Variants in DTNB observed in about 807,000 individuals in gnomAD.
The protein encoded by DTNB is DTN-B.
DTNB carries 63 observed loss-of-function variants against 90.7 expected under a neutral mutation model. That is an observed-to-expected ratio of 0.69 (90% CI 0.57 to 0.86). The LOEUF (loss-of-function observed/expected upper bound fraction) is 0.86, where lower values mean the gene tolerates loss of function less well. Ranked by LOEUF, DTNB falls within the 40% of genes least tolerant of loss-of-function variation. The pLI, the probability that DTNB is intolerant of heterozygous loss-of-function variation, is 0.00. For synonymous variants in DTNB, 277 were observed against 286.7 expected (o/e 0.97, Z 0.34); for missense variants, 744 against 807.1 (o/e 0.92, Z 0.95).
chr2:25,405,882 C>A (rs1470559881), intron 16 of DTNB, among the ~76,000 whole-genome samples: 5 of 151,946 alleles, frequency 3.3e-5, no homozygotes, highest in Non-Finnish European at 7.4e-5. Context: ...GACTGAGAAA[C>A]GAGAGACAGG....
chr2:25,380,959 G>A (rs962435130), intron 19 of DTNB, among the ~76,000 whole-genome samples: 15 of 152,252 alleles, frequency 9.9e-5, no homozygotes, highest in Non-Finnish European at 1.0e-4. Context: ...GTGAGGCATG[G>A]CCCACACTCA....
intron 12 of DTNB, among the ~76,000 whole-genome samples, chr2:25,436,117 A>T (rs1433277378): frequency 6.6e-6 from 1 of 152,212 alleles, no homozygotes; most frequent in African/African-American, 2.4e-5. Context: ...CAGGAGGATC[A>T]TGAGGTCAGG....
intron 7 of DTNB, among the ~76,000 whole-genome samples, chr2:25,577,598 G>A (rs1021874078): frequency 2.6e-5 from 4 of 151,876 alleles, no homozygotes; most frequent in African/African-American, 9.7e-5. Context: ...GTACTATCAA[G>A]GGCAATACAC....
chr2:25,610,220 C>G (rs2068228793), intron 4 of DTNB, among the ~76,000 whole-genome samples: 1 of 152,222 alleles, frequency 6.6e-6, no homozygotes, highest in Admixed American at 6.5e-5. Flanking sequence ...AAACAATCCT[C>G]CCACCTTCGC....
At chr2:25,453,583 T>A (rs985601842) in intron 11 of DTNB, among the ~76,000 whole-genome samples, 1 of 152,224 alleles carries the variant, frequency 6.6e-6, no homozygotes, top group African/African-American at 2.4e-5. Context: ...TGGGCTAAAT[T>A]ACTAGGTAAC....
intron 1 of DTNB, among the ~76,000 whole-genome samples, chr2:25,668,589 T>C (rs568024629): frequency 2.0e-5 from 3 of 152,376 alleles, no homozygotes; most frequent in South Asian, 4.1e-4. Context: ...GTATCAATAT[T>C]AGTTTATCAA....
chr2:25,583,582 C>T (rs1406445751), intron 6 of DTNB, among the ~76,000 whole-genome samples: 7 of 151,402 alleles, frequency 4.6e-5, no homozygotes, highest in African/African-American at 1.2e-4. Context: ...AGTGCAGTGG[C>T]GCAACCTTGG....
intron 9 of DTNB, among the ~76,000 whole-genome samples, chr2:25,500,609 C>T (rs1019967523): frequency 6.6e-6 from 1 of 152,160 alleles, no homozygotes; most frequent in Non-Finnish European, 1.5e-5. Flanking sequence ...AAAGACCACA[C>T]AGAGACCTTG....
rs368628317 is a variant in DTNB at position 25,379,308 on chromosome 2, C to G, written c.*11G>C. Reference sequence around the variant, plus strand: ...TACTCACCTGAGCTTCCTCTGTGTCCGGCTCCTCTGCTAACCTGTGGCAGC... The same window carrying G: ...TACTCACCTGAGCTTCCTCTGTGTCGGGCTCCTCTGCTAACCTGTGGCAGC... On this transcript the variant is annotated 3_prime_UTR_variant, in exon 20 of 21. Coordinates refer to ENST00000406818, the MANE Select transcript of DTNB (RefSeq NM_021907.5). 7.6e-7 allele frequency: 1 copy of G among 1,321,586 alleles called. No individual in the cohort carries two copies. Among genetic ancestry groups the G allele is most frequent in the African/African-American group, 1.5e-5 (1 of 66,516 alleles). The allele number at this position is 1,321,586 out of a possible 1,614,324, so 81.9% of individuals were successfully genotyped here. A position where few individuals can be genotyped will look rare whatever the true frequency, so the allele number is the denominator to read the frequency against.
chr2:25,469,890 C>A (rs546843623), intron 10 of DTNB, among the ~76,000 whole-genome samples: 10 of 152,206 alleles, frequency 6.6e-5, no homozygotes, highest in Non-Finnish European at 1.2e-4. Flanking sequence ...AAAGAGAAGG[C>A]AAGAAACTCA....
intron 5 of DTNB, 118 bp downstream of exon 5, chr2:25,607,118 T>C: frequency 9.3e-7 from 1 of 1,071,744 alleles, no homozygotes; most frequent in East Asian, 2.6e-5. Context: ...TGCTGCAGCG[T>C]GAGTGACATG....
Position 25,388,225 on chromosome 2 carries a change from T to C in DTNB, c.1712A>G (p.Asp571Gly). The C allele has an allele frequency of 6.3e-7, 1 of 1,587,362 alleles. No homozygotes were observed. Among genetic ancestry groups the C allele is most frequent in the Non-Finnish European group, 8.6e-7 (1 of 1,167,254 alleles). Residue 571 changes from aspartate (D) to glycine (G), a missense_variant, in exon 17 of 21, where the codon GAC (aspartate) becomes GGC (glycine). Transcript: ENST00000406818. ...ACCTTGTGCGAAGGCCTCCTGCACGTCTCCCCCGACTCCGCTCAGCGAGTC... is the reference window on the plus strand; with the variant it reads ...ACCTTGTGCGAAGGCCTCCTGCACGCCTCCCCCGACTCCGCTCAGCGAGTC... ...PQDSLSGVGG[D>G]VQEAFAQGTR... is the part of the protein sequence containing the mutation.
At chr2:25,608,164 G>T (rs769626045) in intron 4 of DTNB, among the ~76,000 whole-genome samples, 1 of 152,184 alleles carries the variant, frequency 6.6e-6, no homozygotes, top group Non-Finnish European at 1.5e-5. Flanking sequence ...AAAAGCTTGT[G>T]TTCACAATGT....
At chr2:25,624,796 C>T (rs2073756205) in intron 4 of DTNB, among the ~76,000 whole-genome samples, 1 of 152,144 alleles carries the variant, frequency 6.6e-6, no homozygotes, top group African/African-American at 2.4e-5. Flanking sequence ...TGTACCTTTG[C>T]ACCAGACTGT....
At chr2:25,433,811 T>C in intron 13 of DTNB, 99 bp downstream of exon 13, 1 of 1,381,898 alleles carries the variant, frequency 7.2e-7, no homozygotes, top group Non-Finnish European at 1.0e-6. Context: ...AGGTCTTCCT[T>C]GGCGGTCAAA....
rs552948432 is a variant in DTNB, at chr2:25,545,187, T to G, written c.877-13590A>C. 2.6e-5 allele frequency among the ~76,000 whole-genome samples: 4 copies of G among 152,338 alleles called. No individual in the cohort carries two copies. In the East Asian group the frequency reaches 7.7e-4, roughly 29 times the overall value. On this transcript the variant is annotated intron_variant, in intron 8 of 20. Coordinates refer to ENST00000406818, the MANE Select transcript of DTNB (RefSeq NM_021907.5). ...CCTCCATTGAGCTTAACTTTAATATTTTTGATTTCTGAAAGTTAAATTTGG... is the reference window on the plus strand; with the variant it reads ...CCTCCATTGAGCTTAACTTTAATATGTTTGATTTCTGAAAGTTAAATTTGG...
intron 4 of DTNB, among the ~76,000 whole-genome samples, chr2:25,621,222 T>C (rs2072520508): frequency 6.6e-6 from 1 of 152,168 alleles, no homozygotes; most frequent in African/African-American, 2.4e-5. Flanking sequence ...TGTTTAAAAA[T>C]CACTAATGAA....
At chr2:25,664,282 T>C (rs2083885262) in intron 1 of DTNB, among the ~76,000 whole-genome samples, 1 of 152,230 alleles carries the variant, frequency 6.6e-6, no homozygotes. Context: ...TTTCTGGCTG[T>C]TCACGTGTAT....
intron 8 of DTNB, among the ~76,000 whole-genome samples, chr2:25,567,489 T>A (rs1173484160): frequency 6.6e-6 from 1 of 152,230 alleles, no homozygotes; most frequent in Non-Finnish European, 1.5e-5. Flanking sequence ...AACATTTTTT[T>A]AAGTAAAGCA....
Sources: allele counts gnomAD v4.1 joint callset (sites outside exome capture counted in the v4.1 genomes callset), GRCh38; gene constraint gnomAD v4.1.1; transcripts MANE v1.5; gene names NCBI Gene and HGNC (gene_info 2026-07-23, HGNC 2026-07-21).